Variants in PDZD2 observed in about 807,000 individuals in gnomAD.
PDZD2 encodes PDZ domain containing 2, also known as PDZ domain-containing protein 2.
A neutral mutation model predicts 220.7 loss-of-function variants in PDZD2; 90 were observed. That is an observed-to-expected ratio of 0.41 (90% CI 0.34 to 0.49). PDZD2 has a LOEUF of 0.49. PDZD2 is among the 20% of genes least tolerant of loss of function. The pLI, the probability that PDZD2 is intolerant of heterozygous loss-of-function variation, is 0.28. For synonymous variants in PDZD2, 1,375 were observed against 1,450.5 expected (o/e 0.95, Z 1.18); for missense variants, 3,174 against 3,608.5 (o/e 0.88, Z 3.08).
intron 6 of PDZD2, among the ~76,000 whole-genome samples, chr5:32,029,471 T>G (rs1037634554): frequency 6.6e-6 from 1 of 151,850 alleles, no homozygotes; most frequent in Non-Finnish European, 1.5e-5. Context: ...CTAATCCCAG[T>G]TTTTAGGATT....
intron 1 of PDZD2, among the ~76,000 whole-genome samples, chr5:31,743,653 G>A (rs1017281853): frequency 6.6e-6 from 1 of 152,100 alleles, no homozygotes; most frequent in South Asian, 2.1e-4. Flanking sequence ...TGGCATCCAG[G>A]TTCTTTTAGG....
chr5:31,707,675 T>G (rs1747894798), intron 1 of PDZD2, among the ~76,000 whole-genome samples: 1 of 152,226 alleles, frequency 6.6e-6, no homozygotes, highest in Non-Finnish European at 1.5e-5. Flanking sequence ...TTGCCCAGGC[T>G]GCAGTGCAGT....
At position 32,025,340 on chromosome 5, in the gene PDZD2, A is replaced by T. The variant is rs549652786; in HGVS notation, c.1408-11891A>T. On this transcript the variant is annotated intron_variant, in intron 6 of 24. Coordinates refer to ENST00000438447, the MANE Select transcript of PDZD2 (RefSeq NM_178140.4). ...CAGGAGTTCAAGACCAGCCTGACCA[A>T]CATGGAGAAACCCTGTCTCTACTAA... is the stretch of plus-strand genomic sequence containing the variant. Among the ~76,000 whole-genome samples, 351 of 152,112 alleles carry T rather than the reference A, an allele frequency of 2.3e-3. 2 individuals carry two copies. The highest frequency in any genetic ancestry group is 7.9e-3 in the African/African-American group (329 of 41,534).
chr5:31,745,550 C>G (rs1051772057), intron 1 of PDZD2, among the ~76,000 whole-genome samples: 1 of 152,172 alleles, frequency 6.6e-6, no homozygotes, highest in Non-Finnish European at 1.5e-5. Context: ...CCCAAATCAC[C>G]TTCGCTCATG....
At chr5:31,860,492 A>G (rs1737593153) in intron 2 of PDZD2, among the ~76,000 whole-genome samples, 1 of 152,078 alleles carries the variant, frequency 6.6e-6, no homozygotes, top group Non-Finnish European at 1.5e-5. Flanking sequence ...GAGGCTAGCA[A>G]TCCTCCCTTT....
chr5:31,640,947 C>G lies in PDZD2; in HGVS notation c.-361+1510C>G, dbSNP rs564879260. On this transcript the variant is annotated intron_variant, in intron 1 of 24. Coordinates refer to ENST00000438447, the MANE Select transcript of PDZD2 (RefSeq NM_178140.4). ...ATGTAAAGTATATAAATGTACCTAC[C>G]TTGACATAGTTAATATGCTCCTGGA... Among the ~76,000 whole-genome samples the G allele has an allele frequency of 1.3e-4, 20 of 152,226 alleles. No homozygotes were observed. The South Asian group carries it at 4.1e-3, about 32-fold the overall frequency.
At chr5:32,013,525 G>T (rs955317830) in intron 6 of PDZD2, among the ~76,000 whole-genome samples, 1 of 152,090 alleles carries the variant, frequency 6.6e-6, no homozygotes, top group African/African-American at 2.4e-5. Flanking sequence ...TTCTTCAAGG[G>T]AATGTCAATG....
Position 32,087,493 on chromosome 5 carries a change from G to A in PDZD2, c.4045G>A (p.Glu1349Lys), listed in dbSNP as rs1243696800. Residue 1349 changes from glutamate (E) to lysine (K), a missense_variant, in exon 20 of 25, where the codon GAG becomes AAG. Transcript: ENST00000438447. This position sits in a 1 kb window ranked among gnomAD's most constrained non-coding sequence, Gnocchi z 4.0. ...GCCAGGAGACCCCCTCACATCCCAGGAGCAGAGACAGGGAGCTCCAGGTAA... is the reference window on the plus strand; with the variant it reads ...GCCAGGAGACCCCCTCACATCCCAGAAGCAGAGACAGGGAGCTCCAGGTAA... ...VLPGDPLTSQ[E>K]QRQGAPGNHS... 1 of 1,613,354 alleles carries A rather than the reference G, an allele frequency of 6.2e-7. No homozygotes were observed. The highest frequency in any genetic ancestry group is 1.7e-4 in the Middle Eastern group (1 of 6,056).
intron 1 of PDZD2, among the ~76,000 whole-genome samples, chr5:31,716,601 G>A (rs924087333): frequency 6.6e-6 from 1 of 152,140 alleles, no homozygotes; most frequent in Non-Finnish European, 1.5e-5. Context: ...TCAGGAGTTC[G>A]AGACTAGCCT....
chr5:32,021,057 ATTT>A (rs112705081), intron 6 of PDZD2, among the ~76,000 whole-genome samples: 3 of 143,160 alleles, frequency 2.1e-5, no homozygotes. Flanking sequence ...AAGACTTGGA[ATTT>A]TTTTTTTTTT....
chr5:31,693,811 C>A (rs1747251452), intron 1 of PDZD2, among the ~76,000 whole-genome samples: 1 of 152,170 alleles, frequency 6.6e-6, no homozygotes, highest in African/African-American at 2.4e-5. Context: ...GACTTGGATT[C>A]TAGTGCCAGC....
intron 1 of PDZD2, among the ~76,000 whole-genome samples, chr5:31,658,046 C>A (rs1745618237): frequency 1.3e-5 from 2 of 152,162 alleles, no homozygotes. Flanking sequence ...CATTTTCTGC[C>A]CCTATGTGCT....
At chr5:31,730,497 A>G in intron 1 of PDZD2, among the ~76,000 whole-genome samples, 1 of 152,086 alleles carries the variant, frequency 6.6e-6, no homozygotes, top group African/African-American at 2.4e-5. Flanking sequence ...ACTCCGCCAT[A>G]AGGACAAGTC....
At chr5:32,024,286 A>G (rs1754442885) in intron 6 of PDZD2, among the ~76,000 whole-genome samples, 1 of 152,232 alleles carries the variant, frequency 6.6e-6, no homozygotes, top group Non-Finnish European at 1.5e-5. Context: ...TAGTTTTGCC[A>G]TCATCCCTCA....
chr5:31,718,405 G>A (rs1478972494), intron 1 of PDZD2, among the ~76,000 whole-genome samples: 1 of 152,206 alleles, frequency 6.6e-6, no homozygotes, highest in African/African-American at 2.4e-5. Context: ...TGGGAGGCCT[G>A]AAAGAAAGGC....
chr5:31,839,916 T>G (rs570570676), intron 2 of PDZD2, among the ~76,000 whole-genome samples: 1 of 152,234 alleles, frequency 6.6e-6, no homozygotes, highest in East Asian at 1.9e-4. Flanking sequence ...CACGTTTGCT[T>G]CCCCTTCTGC....
chr5:31,953,663 T>TAA (rs1747381057), intron 2 of PDZD2, among the ~76,000 whole-genome samples: 1 of 151,388 alleles, frequency 6.6e-6, no homozygotes, highest in Non-Finnish European at 1.5e-5. Context: ...AAAAAAAATT[T>TAA]TTTTTTTTTT....
chr5:31,881,689 T>C (rs901107095), intron 2 of PDZD2, among the ~76,000 whole-genome samples: 1 of 112,880 alleles, frequency 8.9e-6, no homozygotes, highest in Non-Finnish European at 1.9e-5. Flanking sequence ...TGCATATACA[T>C]AATACAATAC....
chr5:31,735,445 AAGCTAAC>A, intron 1 of PDZD2, among the ~76,000 whole-genome samples: 1 of 152,252 alleles, frequency 6.6e-6, no homozygotes, highest in Non-Finnish European at 1.5e-5. Context: ...CCATCTGGTA[AAGCTAAC>A]CAAGAAGAGC....
Sources: gnomAD v4.1 joint callset for allele counts (sites outside exome capture counted in the v4.1 genomes callset) on GRCh38, gnomAD v4.1.1 for gene constraint, Gnocchi (gnomAD v3.1) non-coding constraint, MANE v1.5 for transcripts, NCBI Gene and HGNC (gene_info 2026-07-23, HGNC 2026-07-21) for gene names.